The following TSGA10IP variants were observed in gnomAD, a reference collection of about 807,000 sequenced individuals.
TSGA10IP encodes the protein testis-specific protein 10-interacting protein.
Under a neutral mutation model 63.2 loss-of-function variants are expected in TSGA10IP, and 64 were observed. The observed-to-expected ratio is 1.01, with a 90% CI of 0.83 to 1.25. The LOEUF is 1.25. TSGA10IP is among the 50% of genes most tolerant of loss of function. TSGA10IP has a pLI of 0.00. For missense variants in TSGA10IP, 681 were observed against 710.1 expected (o/e 0.96, Z 0.47); for synonymous variants, 316 against 298.3 (o/e 1.06, Z -0.61).
chr11:65,946,826 A>G, intron 1 of TSGA10IP, 54 bp from the exon 2 acceptor site: 1 of 1,589,060 alleles, frequency 6.3e-7, no homozygotes, highest in South Asian at 1.1e-5. Context: ...GAGGTGCAAC[A>G]CAGTCCAGGA....
At chr11:65,948,317 C>T (rs1854883327) in intron 4 of TSGA10IP, among the ~76,000 whole-genome samples, 169 bp downstream of exon 4, 1 of 152,192 alleles carries the variant, frequency 6.6e-6, no homozygotes, top group South Asian at 2.1e-4. Context: ...TCCATCCATC[C>T]ACCCATCCAT....
chr11:65,959,922 C>T, exon 8 of TSGA10IP: 2 of 1,613,368 alleles, frequency 1.2e-6, no homozygotes, highest in Non-Finnish European at 1.7e-6. Flanking sequence ...CCAGCCTGGA[C>T]CCGGAGTGCA....
chr11:65,955,800 A>G (rs923348902), intron 5 of TSGA10IP, among the ~76,000 whole-genome samples: 1 of 152,116 alleles, frequency 6.6e-6, no homozygotes, highest in African/African-American at 2.4e-5. Flanking sequence ...GAGATCTTCA[A>G]TAATTTGTCA....
intron 5 of TSGA10IP, 32 bp from the exon 6 acceptor site, chr11:65,958,851 G>T (rs1404603815): frequency 6.3e-7 from 1 of 1,587,882 alleles, no homozygotes; most frequent in Non-Finnish European, 8.6e-7. Flanking sequence ...TGTGTCCATG[G>T]TTAGCTGCAC....
intron 5 of TSGA10IP, among the ~76,000 whole-genome samples, chr11:65,958,364 G>C (rs1855060019): frequency 6.6e-6 from 1 of 152,076 alleles, no homozygotes; most frequent in African/African-American, 2.4e-5. Flanking sequence ...TTTCCAAGCT[G>C]TCTGCTTACA....
chr11:65,954,409 C>T (rs996023069), intron 5 of TSGA10IP, among the ~76,000 whole-genome samples: 4 of 151,100 alleles, frequency 2.6e-5, no homozygotes, highest in Admixed American at 2.0e-4. Context: ...CTCCTGACCT[C>T]GTGATCCACC....
chr11:65,953,205 A>G (rs1405729825), intron 4 of TSGA10IP, among the ~76,000 whole-genome samples: 1 of 151,726 alleles, frequency 6.6e-6, no homozygotes, highest in African/African-American at 2.4e-5. Context: ...TAATTTTGGC[A>G]TTTTTAGTAG....
chr11:65,946,664 G>A (rs916541608), intron 1 of TSGA10IP, among the ~76,000 whole-genome samples: 2 of 152,232 alleles, frequency 1.3e-5, no homozygotes, highest in African/African-American at 4.8e-5. Flanking sequence ...CGAACTCCTG[G>A]CCTCAGGTGA....
intron 5 of TSGA10IP, among the ~76,000 whole-genome samples, chr11:65,957,404 C>T (rs1855043349): frequency 6.6e-6 from 1 of 152,196 alleles, no homozygotes; most frequent in Non-Finnish European, 1.5e-5. Context: ...CCGCCTCGGC[C>T]AGCTCCTGTC....
Position 65,947,615 on chromosome 11 carries a change from C to T in TSGA10IP, c.790C>T (p.Pro264Ser), listed in dbSNP as rs1374418966. The change falls in exon 3 of 8, where the codon CCC becomes TCC. Residue 264 changes from proline (P) to serine (S), a missense_variant. Transcript: ENST00000532620. ...GGCTGAGGAGGGAGAGCACAGGACT[C>T]CCTGCAGAAGGAGGGCTGGTTGTCA... The T allele has an allele frequency of 8.7e-6, 14 of 1,613,576 alleles. No homozygotes were observed. The Admixed American group carries it at 1.2e-4, about 13-fold the overall frequency.
intron 5 of TSGA10IP, among the ~76,000 whole-genome samples, chr11:65,958,269 T>C (rs1372617522): frequency 1.3e-5 from 2 of 152,116 alleles, no homozygotes; most frequent in Admixed American, 6.5e-5. Flanking sequence ...TAAATGAAAA[T>C]TGTGCTTCCC....
exon 7 of TSGA10IP, chr11:65,959,277 G>A (rs747768525): frequency 6.2e-6 from 10 of 1,611,280 alleles, no homozygotes; most frequent in Non-Finnish European, 8.5e-6. Flanking sequence ...GTCTGAGGCA[G>A]GAAAGGTGGA....
At chr11:65,945,780 G>A (rs760127998) in exon 1 of TSGA10IP, 41 of 1,613,834 alleles carry the variant, frequency 2.5e-5, no homozygotes, top group East Asian at 1.3e-4. Flanking sequence ...GAACCAGAAC[G>A]GGGCTGCTCA....
At chr11:65,947,737 G>A in exon 3 of TSGA10IP, 1 of 1,592,178 alleles carries the variant, frequency 6.3e-7, no homozygotes, top group Admixed American at 1.8e-5. Context: ...ACCTCCGAAG[G>A]CGACAATGGA....
At chr11:65,951,012 A>G (rs1222483492) in intron 4 of TSGA10IP, among the ~76,000 whole-genome samples, 1 of 152,142 alleles carries the variant, frequency 6.6e-6, no homozygotes, top group African/African-American at 2.4e-5. Context: ...AGGTTTATGC[A>G]TGTTGTTGCA....
chr11:65,958,405 C>T lies in TSGA10IP; in HGVS notation c.1323-478C>T, dbSNP rs77703855. Reference sequence around the variant, plus strand: ...CACAGAGAATGCTGGCAAGCTTGTCCGATCCCTACTATAGCACAGTGAAAT... The same window carrying T: ...CACAGAGAATGCTGGCAAGCTTGTCTGATCCCTACTATAGCACAGTGAAAT... On this transcript the variant is annotated intron_variant, in intron 5 of 7. Coordinates refer to ENST00000532620, the Ensembl canonical transcript of TSGA10IP. Among the ~76,000 whole-genome samples, 32 of 152,266 alleles carry T rather than the reference C, an allele frequency of 2.1e-4. No individual in the cohort carries two copies. In the East Asian group the frequency reaches 6.2e-3, roughly 29 times the overall value.
chr11:65,948,257 C>A, intron 4 of TSGA10IP, 109 bp downstream of exon 4: 3 of 1,364,704 alleles, frequency 2.2e-6, no homozygotes, highest in Non-Finnish European at 2.9e-6. Context: ...TTTATTTATC[C>A]ATTCACCAAA....
chr11:65,959,282 G>C (rs376193585), exon 7 of TSGA10IP: 5 of 1,611,318 alleles, frequency 3.1e-6, no homozygotes, highest in Non-Finnish European at 4.2e-6. Context: ...AGGCAGGAAA[G>C]GTGGACAGAG....
chr11:65,953,638 C>T, exon 5 of TSGA10IP: 2 of 1,591,560 alleles, frequency 1.3e-6, no homozygotes, highest in Non-Finnish European at 1.7e-6. Context: ...CGGGCCCGGA[C>T]ACAGCATGTA....
Sources: allele counts gnomAD v4.1 joint callset (sites outside exome capture counted in the v4.1 genomes callset), GRCh38; gene constraint gnomAD v4.1.1; transcripts MANE v1.5; gene names NCBI Gene and HGNC (gene_info 2026-07-23, HGNC 2026-07-21).